The following NPSR1 variants were observed in gnomAD, a reference collection of about 807,000 sequenced individuals.
NPSR1 encodes the protein neuropeptide S receptor.
NPSR1 carries 48 observed loss-of-function variants against 46.9 expected under a neutral mutation model. The observed-to-expected ratio is 1.02, with a 90% CI of 0.81 to 1.30. The LOEUF is 1.30. Among genes scored for constraint, NPSR1 ranks in the 50% most tolerant of loss-of-function variants. The probability of loss-of-function intolerance (pLI) is 0.00; values close to 1 mark genes in which losing one functional copy is unlikely to be tolerated. For missense variants in NPSR1, 450 were observed against 449.5 expected (o/e 1.00, Z -0.01); for synonymous variants, 176 against 168.1 (o/e 1.05, Z -0.36).
At chr7:34,812,322 T>C (rs979939588) in intron 4 of NPSR1, among the ~76,000 whole-genome samples, 2 of 151,982 alleles carry the variant, frequency 1.3e-5, no homozygotes, top group African/African-American at 2.4e-5. Context: ...GATCATCGTA[T>C]TGGGAAAAAA....
chr7:34,849,310 A>G, intron 8 of NPSR1: 4 of 1,522,158 alleles, frequency 2.6e-6, no homozygotes, highest in Non-Finnish European at 3.6e-6. Context: ...CAGCTTCTTC[A>G]TCTGTAAAAC....
At chr7:34,735,553 T>C (rs1313073438) in intron 2 of NPSR1, among the ~76,000 whole-genome samples, 1 of 152,216 alleles carries the variant, frequency 6.6e-6, no homozygotes, top group Non-Finnish European at 1.5e-5. Flanking sequence ...TAGTAGAATA[T>C]AAGAGCTGAA....
At chr7:34,802,680 CA>C (rs1258666334) in intron 3 of NPSR1, among the ~76,000 whole-genome samples, 2 of 150,230 alleles carry the variant, frequency 1.3e-5, no homozygotes, top group African/African-American at 5.0e-5. Context: ...TCTAAAACAC[CA>C]AAAGCAATGG....
At chr7:34,823,920 A>G (rs1179719675) in intron 4 of NPSR1, among the ~76,000 whole-genome samples, 1 of 152,156 alleles carries the variant, frequency 6.6e-6, no homozygotes, top group African/African-American at 2.4e-5. Context: ...TCAACCAAAG[A>G]TACCTGAGCT....
intron 6 of NPSR1, among the ~76,000 whole-genome samples, chr7:34,840,061 T>C (rs758304281): frequency 5.3e-5 from 8 of 152,106 alleles, no homozygotes; most frequent in Non-Finnish European, 8.8e-5. Context: ...TGCTGAGGTA[T>C]AGAAAGGGCT....
intron 8 of NPSR1, among the ~76,000 whole-genome samples, chr7:34,864,009 T>C (rs1247121069): frequency 6.6e-6 from 1 of 151,850 alleles, no homozygotes; most frequent in African/African-American, 2.4e-5. Flanking sequence ...AAAGAAAATG[T>C]GGCACATATA....
At chr7:34,770,413 T>C (rs1786624412) in intron 2 of NPSR1, among the ~76,000 whole-genome samples, 1 of 152,218 alleles carries the variant, frequency 6.6e-6, no homozygotes, top group Non-Finnish European at 1.5e-5. Flanking sequence ...CTTTGGATTA[T>C]AGATCCCATG....
chr7:34,685,764 C>T (rs1008580955), intron 2 of NPSR1: 5 of 380,378 alleles, frequency 1.3e-5, no homozygotes, highest in African/African-American at 6.7e-5. Context: ...AACAAGCCCA[C>T]CTGCTTGAGC....
At chr7:34,851,811 A>G (rs1790940952), downstream of NPSR1, among the ~76,000 whole-genome samples, 1 of 152,182 alleles carries the variant, frequency 6.6e-6, no homozygotes, top group African/African-American at 2.4e-5. Flanking sequence ...AGAAACTGTG[A>G]ACATGATTTT....
intron 8 of NPSR1, among the ~76,000 whole-genome samples, chr7:34,857,054 T>C (rs554691402): frequency 3.3e-5 from 5 of 151,706 alleles, no homozygotes; most frequent in Non-Finnish European, 7.4e-5. Flanking sequence ...AAAAATGAAA[T>C]TCGTAGGAGT....
intron 2 of NPSR1, among the ~76,000 whole-genome samples, chr7:34,687,597 G>C (rs1793001578): frequency 6.6e-6 from 1 of 152,140 alleles, no homozygotes; most frequent in Non-Finnish European, 1.5e-5. Context: ...CACAACAACA[G>C]CATAGGGAAA....
intron 3 of NPSR1, among the ~76,000 whole-genome samples, chr7:34,792,677 A>ATAGATATATTTT (rs1787960560): frequency 4.4e-5 from 4 of 90,558 alleles, no homozygotes; most frequent in South Asian, 3.4e-4. Flanking sequence ...ATATATATGT[A>ATAGATATATTTT]TATATATATA....
intron 8 of NPSR1, among the ~76,000 whole-genome samples, chr7:34,859,283 A>G (rs1430065553): frequency 2.0e-5 from 3 of 151,696 alleles, no homozygotes; most frequent in East Asian, 1.9e-4. Context: ...ATCAATATCC[A>G]TCTTCTGTTC....
intron 2 of NPSR1, among the ~76,000 whole-genome samples, chr7:34,717,755 C>T (rs955457364): frequency 8.5e-5 from 13 of 152,168 alleles, no homozygotes; most frequent in African/African-American, 1.7e-4. Flanking sequence ...ATTTGAGTGC[C>T]GCTCATCAGT....
intron 2 of NPSR1, among the ~76,000 whole-genome samples, chr7:34,689,470 T>C (rs1295651943): frequency 1.3e-5 from 2 of 150,440 alleles, no homozygotes; most frequent in Non-Finnish European, 3.0e-5. Context: ...CTGGGTGTGG[T>C]GGTGGACGCC....
intron 4 of NPSR1, among the ~76,000 whole-genome samples, chr7:34,819,948 C>A (rs530455355): frequency 1.3e-5 from 2 of 152,122 alleles, no homozygotes; most frequent in African/African-American, 4.8e-5. Context: ...GGAGGGATAG[C>A]GTTAGCAGAA....
At chr7:34,864,541 T>C (rs1302403007) in intron 8 of NPSR1, among the ~76,000 whole-genome samples, 1 of 151,752 alleles carries the variant, frequency 6.6e-6, no homozygotes, top group African/African-American at 2.4e-5. Context: ...GGAGTTGAAG[T>C]CCAAAATCAT....
intron 7 of NPSR1, among the ~76,000 whole-genome samples, chr7:34,847,949 T>C (rs187093524): frequency 6.6e-6 from 1 of 152,136 alleles, no homozygotes; most frequent in Non-Finnish European, 1.5e-5. Flanking sequence ...AAGGGCATAG[T>C]GTGGGTGTTT....
intron 1 of NPSR1, among the ~76,000 whole-genome samples, chr7:34,683,429 A>G (rs547776176): frequency 6.7e-6 from 1 of 149,080 alleles, no homozygotes; most frequent in South Asian, 2.1e-4. Context: ...CCTGGGTGAC[A>G]GAGTGAGACT....
Sources: gnomAD v4.1 joint callset for allele counts (sites outside exome capture counted in the v4.1 genomes callset) on GRCh38, gnomAD v4.1.1 for gene constraint, MANE v1.5 for transcripts, NCBI Gene and HGNC (gene_info 2026-07-23, HGNC 2026-07-21) for gene names.